The following PRPSAP2 variants were observed in gnomAD, a reference collection of about 807,000 sequenced individuals.
PRPSAP2 encodes the protein phosphoribosyl pyrophosphate synthetase associated protein 2.
Under a neutral mutation model 40.6 loss-of-function variants are expected in PRPSAP2, and 24 were observed. The ratio of observed to expected loss-of-function variants is 0.59; its 90% CI spans 0.43 to 0.83. The LOEUF is 0.83. Among genes scored for constraint, PRPSAP2 ranks in the 40% least tolerant of loss-of-function variants. The pLI is 0.00. For missense variants in PRPSAP2, 292 were observed against 465.6 expected (o/e 0.63, Z 3.43); for synonymous variants, 149 against 164.7 (o/e 0.90, Z 0.73).
chr17:18,897,343 T>C (rs1286628067), intron 8 of PRPSAP2, among the ~76,000 whole-genome samples: 1 of 152,188 alleles, frequency 6.6e-6, no homozygotes, highest in Non-Finnish European at 1.5e-5. Context: ...TCCACAGTTA[T>C]GTAAAAGTTA....
chr17:18,899,228 A>G (rs28768115), intron 8 of PRPSAP2, among the ~76,000 whole-genome samples: 1,772 of 151,808 alleles, frequency 0.012, 36 homozygotes, highest in African/African-American at 0.041. Context: ...GGTCCATGGG[A>G]TTCTGTTTAT....
At chr17:18,859,437 C>G (rs2036837880) in intron 1 of PRPSAP2, 1 of 152,224 alleles carries the variant, frequency 6.6e-6, no homozygotes, top group African/African-American at 2.4e-5. Flanking sequence ...CATGCTGAGA[C>G]CGAGCTATTT....
chr17:18,917,183 G>A (rs1012004638), intron 9 of PRPSAP2, among the ~76,000 whole-genome samples: 4 of 151,888 alleles, frequency 2.6e-5, no homozygotes, highest in African/African-American at 9.7e-5. Context: ...TGCCCTCATA[G>A]ATTCAGTGTT....
chr17:18,863,943 G>A (rs907661334), intron 1 of PRPSAP2, among the ~76,000 whole-genome samples: 2 of 149,486 alleles, frequency 1.3e-5, no homozygotes, highest in Admixed American at 1.3e-4. Context: ...GGGTTTAAGC[G>A]ATTCTCCTGC....
At chr17:18,872,719 T>C (rs1299634351) in intron 5 of PRPSAP2, 70 bp downstream of exon 5, 18 of 1,204,968 alleles carry the variant, frequency 1.5e-5, no homozygotes, top group Non-Finnish European at 2.2e-5. Context: ...TAATGATAGA[T>C]GGCTAGCCAG....
chr17:18,901,989 G>C (rs570680706), intron 8 of PRPSAP2, among the ~76,000 whole-genome samples: 1 of 151,878 alleles, frequency 6.6e-6, no homozygotes, highest in African/African-American at 2.4e-5. Context: ...TCCCTATGTT[G>C]CCAGGTCTGG....
intron 8 of PRPSAP2, among the ~76,000 whole-genome samples, chr17:18,891,330 T>C (rs2039533478): frequency 6.6e-6 from 1 of 152,214 alleles, no homozygotes; most frequent in Non-Finnish European, 1.5e-5. Flanking sequence ...TAAATTGGCA[T>C]TTGAGATAAA....
At chr17:18,866,873 T>A (rs1210242159) in intron 3 of PRPSAP2, among the ~76,000 whole-genome samples, 1 of 152,184 alleles carries the variant, frequency 6.6e-6, no homozygotes, top group Non-Finnish European at 1.5e-5. Context: ...GAAGTGCTTT[T>A]AAACTGAAGG....
At chr17:18,925,989 C>T (rs1373926631) in intron 10 of PRPSAP2, among the ~76,000 whole-genome samples, 1 of 151,910 alleles carries the variant, frequency 6.6e-6, no homozygotes, top group East Asian at 1.9e-4. Flanking sequence ...CCTGTAGTCC[C>T]AGCTACTCGG....
intron 7 of PRPSAP2, among the ~76,000 whole-genome samples, chr17:18,883,665 C>T (rs148308821): frequency 0.01 from 1,590 of 152,164 alleles, 19 homozygotes; most frequent in African/African-American, 0.037. Context: ...GGATTACAGG[C>T]ATGAGCCACC....
intron 5 of PRPSAP2, among the ~76,000 whole-genome samples, chr17:18,873,423 C>A (rs1175417299): frequency 1.3e-5 from 2 of 152,066 alleles, no homozygotes; most frequent in African/African-American, 4.8e-5. Context: ...TCAGGCTGGT[C>A]TTGAACTCCC....
At chr17:18,902,403 C>T (rs1168575931) in intron 8 of PRPSAP2, among the ~76,000 whole-genome samples, 1 of 152,104 alleles carries the variant, frequency 6.6e-6, no homozygotes, top group Non-Finnish European at 1.5e-5. Context: ...TTGATCTTTG[C>T]AACTTTGGAA....
At chr17:18,867,217 A>G (rs2305062) in intron 3 of PRPSAP2, 65 bp from the exon 4 acceptor site, 122,183 of 1,465,316 alleles carry the variant, frequency 0.083, 9,607 homozygotes, top group East Asian at 0.42. Context: ...GAGTCTCCTT[A>G]AATAGTAAAG....
chr17:18,907,300 G>T (rs940121821), intron 8 of PRPSAP2, among the ~76,000 whole-genome samples: 2 of 152,132 alleles, frequency 1.3e-5, no homozygotes, highest in Non-Finnish European at 2.9e-5. Flanking sequence ...TTTTGCCATG[G>T]TTGAAGAAGG....
At chr17:18,918,778 G>T (rs537901446) in intron 9 of PRPSAP2, among the ~76,000 whole-genome samples, 1 of 152,270 alleles carries the variant, frequency 6.6e-6, no homozygotes, top group African/African-American at 2.4e-5. Context: ...CTGGGAACGG[G>T]GTGGGGAGCA....
At chr17:18,868,769 G>A (rs564976593) in intron 4 of PRPSAP2, among the ~76,000 whole-genome samples, 17 of 149,924 alleles carry the variant, frequency 1.1e-4, no homozygotes, top group Non-Finnish European at 2.2e-4. Flanking sequence ...TGTTGCCCAG[G>A]CTTATCTCAA....
chr17:18,857,329 C>T (rs1322199543), upstream of PRPSAP2, among the ~76,000 whole-genome samples: 1 of 151,870 alleles, frequency 6.6e-6, no homozygotes, highest in Non-Finnish European at 1.5e-5. Context: ...AGCGAAACTC[C>T]GTCTCAAAAC....
At chr17:18,900,121 G>A (rs1451602596) in intron 8 of PRPSAP2, among the ~76,000 whole-genome samples, 1 of 151,756 alleles carries the variant, frequency 6.6e-6, no homozygotes, top group Non-Finnish European at 1.5e-5. Context: ...TTCTGACCTC[G>A]TGATCTGCCC....
At chr17:18,912,500 C>G (rs757654199) in intron 9 of PRPSAP2, among the ~76,000 whole-genome samples, 13 of 152,160 alleles carry the variant, frequency 8.5e-5, no homozygotes, top group Non-Finnish European at 1.6e-4. Flanking sequence ...TCATTCTATC[C>G]TAATAGCCCC....
Sources: gnomAD v4.1 joint callset for allele counts (sites outside exome capture counted in the v4.1 genomes callset) on GRCh38, gnomAD v4.1.1 for gene constraint, MANE v1.5 for transcripts, NCBI Gene and HGNC (gene_info 2026-07-23, HGNC 2026-07-21) for gene names.